The following DKK2 variants were observed in gnomAD, a reference collection of about 807,000 sequenced individuals.
DKK2 encodes dickkopf Wnt signaling pathway inhibitor 2, also known as dickkopf-related protein 2.
In DKK2, 11 loss-of-function variants were observed where a neutral mutation model predicts 28.1. The ratio of observed to expected loss-of-function variants is 0.39; its 90% CI spans 0.25 to 0.65. The LOEUF (loss-of-function observed/expected upper bound fraction) is 0.65. Among genes scored for constraint, DKK2 ranks in the 30% least tolerant of loss-of-function variants. The probability of loss-of-function intolerance (pLI) is 0.47; values close to 1 mark genes in which losing one functional copy is unlikely to be tolerated. For synonymous variants in DKK2, 135 were observed against 126.5 expected, an observed-to-expected ratio of 1.07 and a Z score of -0.45; for missense variants, 326 against 335.5, an observed-to-expected ratio of 0.97 and a Z score of 0.22.
At chr4:106,991,781 A>G (rs888906879) in intron 1 of DKK2, among the ~76,000 whole-genome samples, 11 of 151,828 alleles carry the variant, frequency 7.2e-5, no homozygotes, top group Admixed American at 7.2e-4. Context: ...AATTATCTCT[A>G]TTTTTCCAAA....
intron 1 of DKK2, among the ~76,000 whole-genome samples, chr4:106,969,491 A>G (rs1010497465): frequency 6.6e-6 from 1 of 152,102 alleles, no homozygotes; most frequent in Non-Finnish European, 1.5e-5. Flanking sequence ...CTGAAAATTA[A>G]TAAGTAACTT....
At chr4:107,028,222 G>T (rs1165809999) in intron 1 of DKK2, among the ~76,000 whole-genome samples, 1 of 152,136 alleles carries the variant, frequency 6.6e-6, no homozygotes, top group Non-Finnish European at 1.5e-5. Flanking sequence ...GTATGTGCAT[G>T]TTTATTTTGT....
intron 1 of DKK2, among the ~76,000 whole-genome samples, chr4:106,997,036 C>T (rs1723282051): frequency 6.6e-6 from 1 of 152,122 alleles, no homozygotes; most frequent in Non-Finnish European, 1.5e-5. Flanking sequence ...GCCTTTAGAA[C>T]ACTCCTGGAG....
At chr4:106,967,853 G>A (rs1221619483) in intron 1 of DKK2, among the ~76,000 whole-genome samples, 1 of 151,078 alleles carries the variant, frequency 6.6e-6, no homozygotes, top group African/African-American at 2.4e-5. Context: ...AAAGAAGAGG[G>A]CAAGGGAAGA....
chr4:106,951,849 G>A (rs1209908678), intron 1 of DKK2, among the ~76,000 whole-genome samples: 1 of 151,952 alleles, frequency 6.6e-6, no homozygotes, highest in Non-Finnish European at 1.5e-5. Flanking sequence ...GCAAAATATG[G>A]CTCCTAAGAA....
intron 1 of DKK2, among the ~76,000 whole-genome samples, chr4:107,028,837 T>G (rs1269462727): frequency 6.6e-6 from 1 of 152,220 alleles, no homozygotes; most frequent in African/African-American, 2.4e-5. Flanking sequence ...TGGGAAAGCC[T>G]GTGCTTCTCT....
rs976909484 is a variant in DKK2, at chr4:106,955,482, C to A, written c.223-29533G>T. Among the ~76,000 whole-genome samples the A allele has an allele frequency of 5.9e-5, 9 of 152,222 alleles. 1 individual carries two copies. Among genetic ancestry groups the A allele is most frequent in the Admixed American group, 5.9e-4 (9 of 15,276 alleles). On this transcript the variant is annotated intron_variant, in intron 1 of 3. Coordinates refer to ENST00000285311, the MANE Select transcript of DKK2 (RefSeq NM_014421.3). ...AGTGTGTCTGTTGGCTAATTGCTTTCCCCCTATGGAATTACACCCAACACA... is the reference window on the plus strand; with the variant it reads ...AGTGTGTCTGTTGGCTAATTGCTTTACCCCTATGGAATTACACCCAACACA...
In DKK2 at chr4:106,941,620, T is replaced by C. The variant is rs536741595; in HGVS notation, c.223-15671A>G. Among the ~76,000 whole-genome samples, 41 of 152,282 alleles carry C rather than the reference T, an allele frequency of 2.7e-4. No individual in the cohort carries two copies. The South Asian group carries it at 3.1e-3, about 12-fold the overall frequency. On this transcript the variant is annotated intron_variant, in intron 1 of 3. Coordinates refer to ENST00000285311, the MANE Select transcript of DKK2 (RefSeq NM_014421.3). Reference sequence around the variant, plus strand: ...AGTGAAGCACCCCAAGTACACTATATTGTCCTTCTAATCGTCACTGGGTTC... The same window carrying C: ...AGTGAAGCACCCCAAGTACACTATACTGTCCTTCTAATCGTCACTGGGTTC...
chr4:106,952,692 T>C (rs943572788), intron 1 of DKK2, among the ~76,000 whole-genome samples: 2 of 152,126 alleles, frequency 1.3e-5, no homozygotes, highest in Non-Finnish European at 2.9e-5. Context: ...CCTCCAAATC[T>C]TAAAATATAA....
At chr4:106,951,804 A>T (rs1645502228) in intron 1 of DKK2, among the ~76,000 whole-genome samples, 1 of 152,198 alleles carries the variant, frequency 6.6e-6, no homozygotes, top group Non-Finnish European at 1.5e-5. Context: ...GGGCTTAATT[A>T]TTCTTTTTAA....
intron 1 of DKK2, among the ~76,000 whole-genome samples, chr4:106,995,787 A>G (rs991448468): frequency 3.9e-5 from 6 of 151,982 alleles, no homozygotes; most frequent in African/African-American, 1.5e-4. Flanking sequence ...TAATTTTTGT[A>G]TTTTTAGTAG....
intron 1 of DKK2, among the ~76,000 whole-genome samples, chr4:106,973,571 T>A (rs948858621): frequency 6.6e-6 from 1 of 152,230 alleles, no homozygotes; most frequent in African/African-American, 2.4e-5. Context: ...CACACACTTT[T>A]TGATGGGGTT....
In DKK2 at chr4:106,922,407, G is replaced by C. The variant is rs895492628; in HGVS notation, c.*1547C>G. ...TAGAACTGAGTTAAGTTTAAAAAAA[G>C]TAGTAAAGTGGTTTCAAAGAATTTA... is the stretch of plus-strand genomic sequence containing the variant. On this transcript the variant is annotated 3_prime_UTR_variant, in exon 4 of 4. Transcript: ENST00000285311. The C allele has an allele frequency of 6.6e-6, 1 of 152,200 alleles. No homozygotes were observed. The highest frequency in any genetic ancestry group is 2.4e-5 in the African/African-American group (1 of 41,458). 9.4% of individuals were successfully genotyped at this position (152,200 alleles called of 1,614,324 possible).
chr4:106,996,625 C>T (rs1723275587), intron 1 of DKK2, among the ~76,000 whole-genome samples: 1 of 152,144 alleles, frequency 6.6e-6, no homozygotes. Flanking sequence ...TCCATAGTTC[C>T]CTCGGTGATC....
intron 1 of DKK2, among the ~76,000 whole-genome samples, chr4:107,010,088 G>GT (rs1181147735): frequency 6.6e-6 from 1 of 151,804 alleles, no homozygotes; most frequent in Non-Finnish European, 1.5e-5. Flanking sequence ...AAAATTGTGG[G>GT]TTTTTTCCTT....
At chr4:106,950,892 C>T (rs1283530855) in intron 1 of DKK2, among the ~76,000 whole-genome samples, 1 of 152,110 alleles carries the variant, frequency 6.6e-6, no homozygotes, top group Admixed American at 6.6e-5. Context: ...CACTGATAGT[C>T]CCTCCAGAAA....
chr4:106,934,843 T>G lies in DKK2; in HGVS notation c.223-8894A>C, dbSNP rs10032689. Reference sequence around the variant, plus strand: ...TTCTATGGTGAAATGACTTCTAATTTCCATTTTAAAAGAGATACTTTAAGG... The same window carrying G: ...TTCTATGGTGAAATGACTTCTAATTGCCATTTTAAAAGAGATACTTTAAGG... On this transcript the variant is annotated intron_variant, in intron 1 of 3. Transcript: ENST00000285311. Among the ~76,000 whole-genome samples, 206 of 152,248 alleles carry G rather than the reference T, an allele frequency of 1.4e-3. 1 individual carries two copies. Among genetic ancestry groups the G allele is most frequent in the African/African-American group, 4.7e-3 (195 of 41,542 alleles).
chr4:107,014,834 C>A (rs1012341923), intron 1 of DKK2, among the ~76,000 whole-genome samples: 11 of 137,742 alleles, frequency 8.0e-5, no homozygotes, highest in Admixed American at 3.6e-4. Context: ...CACACACAAA[C>A]ACACACACAC....
intron 1 of DKK2, among the ~76,000 whole-genome samples, chr4:107,008,808 T>C (rs1016674389): frequency 5.3e-5 from 8 of 151,996 alleles, no homozygotes; most frequent in African/African-American, 1.9e-4. Context: ...AGTCTAAAAA[T>C]TTATAAGTCA....
Sources: gnomAD v4.1 joint callset for allele counts (sites outside exome capture counted in the v4.1 genomes callset) on GRCh38, gnomAD v4.1.1 for gene constraint, MANE v1.5 for transcripts, NCBI Gene and HGNC (gene_info 2026-07-23, HGNC 2026-07-21) for gene names.